The following DNM3 variants were observed in gnomAD, a reference collection of about 807,000 sequenced individuals.
DNM3 encodes dynamin 3, also known as dynamin-3.
In DNM3, 47 loss-of-function variants were observed where a neutral mutation model predicts 101.6. That is an observed-to-expected ratio of 0.46 (90% CI 0.37 to 0.59). The LOEUF is 0.59. Among genes scored for constraint, DNM3 ranks in the 20% least tolerant of loss-of-function variants. The pLI is 0.00. For synonymous variants in DNM3, 385 were observed against 387.9 expected (o/e 0.99, Z 0.09); for missense variants, 849 against 1,085.7 (o/e 0.78, Z 3.06).
At chr1:172,274,202 C>A (rs903943115) in intron 15 of DNM3, among the ~76,000 whole-genome samples, 29 of 152,006 alleles carry the variant, frequency 1.9e-4, no homozygotes, top group African/African-American at 7.0e-4. Flanking sequence ...AAAACCGAAA[C>A]AGTGATGGAA....
chr1:172,294,911 CAAAA>C lies in DNM3; in HGVS notation c.1770-13801_1770-13798del, dbSNP rs57685535. Among the ~76,000 whole-genome samples, 233 of 87,004 alleles carry C rather than the reference CAAAA, an allele frequency of 2.7e-3. 2 individuals are homozygous for C. In the Middle Eastern group the frequency reaches 0.037, roughly 14 times the overall value. The allele number at this position is 87,004 out of a possible 152,430, so 57.1% of individuals were successfully genotyped here. ...TGGGCAACAGAGCCAGACTTTGTCT[CAAAA>C]AAAAAAAAAAAAAAAGTAAAAAGTT... is the stretch of plus-strand genomic sequence containing the variant. On this transcript the variant is annotated intron_variant, in intron 15 of 20. Coordinates refer to ENST00000627582, the MANE Select transcript of DNM3 (RefSeq NM_015569.5).
At chr1:172,319,311 T>G (rs2065571177) in intron 16 of DNM3, among the ~76,000 whole-genome samples, 1 of 151,956 alleles carries the variant, frequency 6.6e-6, no homozygotes, top group East Asian at 1.9e-4. Flanking sequence ...GCATTACCAT[T>G]CAGGACATAG....
Position 172,354,112 on chromosome 1 carries a change from T to TGAGAGAGAGAGAGAGAGAGAGA in DNM3, c.1894-24897_1894-24876dup, listed in dbSNP as rs71563205. On this transcript the variant is annotated intron_variant, in intron 17 of 20. Coordinates refer to ENST00000627582, the MANE Select transcript of DNM3 (RefSeq NM_015569.5). Reference sequence around the variant, plus strand: ...GGGTGTGTGTGTGTGTGTGTGTGTGTGAGAGAGAGAGAGAGAGAGAGAGAG... The same window carrying TGAGAGAGAGAGAGAGAGAGAGA: ...GGGTGTGTGTGTGTGTGTGTGTGTGTGAGAGAGAGAGAGAGAGAGAGAGAGAGAGAGAGAGAGAGAGAGAGAG... 4.1e-3 allele frequency among the ~76,000 whole-genome samples: 393 copies of TGAGAGAGAGAGAGAGAGAGAGA among 94,926 alleles called. 6 individuals are homozygous for TGAGAGAGAGAGAGAGAGAGAGA. The highest frequency in any genetic ancestry group is 0.039 in the East Asian group (126 of 3,190). The allele number at this position is 94,926 out of a possible 152,430, so 62.3% of individuals were successfully genotyped here. A position where few individuals can be genotyped will look rare whatever the true frequency, so the allele number is the denominator to read the frequency against.
chr1:172,023,339 C>T lies in DNM3; in HGVS notation c.590-9063C>T, dbSNP rs191010402. 3.5e-3 allele frequency among the ~76,000 whole-genome samples: 534 copies of T among 152,140 alleles called. 3 individuals carry two copies. The highest frequency in any genetic ancestry group is 0.024 in the Middle Eastern group (7 of 294). On this transcript the variant is annotated intron_variant, in intron 4 of 20. Transcript: ENST00000627582. ...TTTTGTAGAACACGTTCTTTAACAG[C>T]GTTCTTAAAAAGGTGAAAGGGAGGT... is the stretch of plus-strand genomic sequence containing the variant.
chr1:171,846,815 A>C (rs2032179481), intron 1 of DNM3, among the ~76,000 whole-genome samples: 1 of 152,200 alleles, frequency 6.6e-6, no homozygotes, highest in Admixed American at 6.5e-5. Context: ...TGTCATACTA[A>C]ATACATTTTA....
intron 10 of DNM3, among the ~76,000 whole-genome samples, chr1:172,061,970 A>C (rs2051263953): frequency 6.6e-6 from 1 of 152,136 alleles, no homozygotes; most frequent in African/African-American, 2.4e-5. Flanking sequence ...AATAGGCTTT[A>C]GTGCCCAGGC....
At chr1:172,106,020 C>T (rs1199376233) in intron 13 of DNM3, among the ~76,000 whole-genome samples, 2 of 151,904 alleles carry the variant, frequency 1.3e-5, no homozygotes, top group African/African-American at 4.8e-5. Flanking sequence ...TATATTATTC[C>T]TTACAGAACA....
chr1:172,230,589 T>A (rs902258306), intron 14 of DNM3, among the ~76,000 whole-genome samples: 3 of 152,206 alleles, frequency 2.0e-5, no homozygotes, highest in African/African-American at 7.2e-5. Flanking sequence ...AATTAGAATG[T>A]TCCTTCAAAT....
chr1:172,182,661 C>G (rs567932875), intron 14 of DNM3, among the ~76,000 whole-genome samples: 1 of 152,214 alleles, frequency 6.6e-6, no homozygotes, highest in East Asian at 1.9e-4. Flanking sequence ...CTGCATGCCC[C>G]TCCCTCTATC....
chr1:171,862,076 T>C (rs1275181987), intron 1 of DNM3, among the ~76,000 whole-genome samples: 1 of 152,138 alleles, frequency 6.6e-6, no homozygotes, highest in Non-Finnish European at 1.5e-5. Context: ...GGAGGGATAC[T>C]AACAACTGCT....
intron 4 of DNM3, among the ~76,000 whole-genome samples, chr1:172,003,234 GT>G (rs1189972410): frequency 1.3e-5 from 2 of 151,740 alleles, no homozygotes; most frequent in Non-Finnish European, 2.9e-5. Context: ...GTGCTCTTAT[GT>G]CTTTCTTATT....
chr1:172,036,867 A>C (rs2049006859), intron 6 of DNM3, among the ~76,000 whole-genome samples: 1 of 151,672 alleles, frequency 6.6e-6, no homozygotes, highest in Non-Finnish European at 1.5e-5. Flanking sequence ...CAACCTACAA[A>C]ATGGGAGAAA....
intron 17 of DNM3, among the ~76,000 whole-genome samples, chr1:172,374,956 A>AAAAG (rs2068526157): frequency 6.6e-6 from 1 of 152,096 alleles, no homozygotes; most frequent in Non-Finnish European, 1.5e-5. Context: ...ATGAGCTTTA[A>AAAAG]AAGTGCCTGT....
At chr1:171,965,641 G>C (rs1348816393) in intron 2 of DNM3, among the ~76,000 whole-genome samples, 1 of 152,120 alleles carries the variant, frequency 6.6e-6, no homozygotes, top group East Asian at 1.9e-4. Flanking sequence ...AGGTCCAGAA[G>C]GGTCTGAAGC....
intron 15 of DNM3, among the ~76,000 whole-genome samples, chr1:172,298,874 AG>A (rs2064294798): frequency 1.4e-5 from 2 of 141,974 alleles, no homozygotes; most frequent in Non-Finnish European, 3.2e-5. Flanking sequence ...AGAGAGAGAG[AG>A]AAAGACAGAG....
chr1:171,904,988 T>C (rs967805270), intron 1 of DNM3, among the ~76,000 whole-genome samples: 7 of 152,160 alleles, frequency 4.6e-5, no homozygotes, highest in African/African-American at 1.7e-4. Context: ...TTGAGGTCCT[T>C]ACACCACTCA....
At chr1:171,954,689 T>G (rs1414202962) in intron 2 of DNM3, among the ~76,000 whole-genome samples, 4 of 152,198 alleles carry the variant, frequency 2.6e-5, no homozygotes, top group African/African-American at 9.6e-5. Flanking sequence ...AGGGGAGGTT[T>G]AGTCCTTGGT....
chr1:172,113,188 A>G (rs1372265160), intron 13 of DNM3, among the ~76,000 whole-genome samples: 5 of 152,236 alleles, frequency 3.3e-5, no homozygotes, highest in Non-Finnish European at 5.9e-5. Context: ...AATTATATTC[A>G]GAAAATAAAC....
At chr1:172,303,485 C>A (rs2064580882) in intron 15 of DNM3, among the ~76,000 whole-genome samples, 2 of 152,016 alleles carry the variant, frequency 1.3e-5, no homozygotes, top group Non-Finnish European at 2.9e-5. Context: ...GAACTTCCAA[C>A]CTAGCAAGGG....
Sources: allele counts gnomAD v4.1 joint callset (sites outside exome capture counted in the v4.1 genomes callset), GRCh38; gene constraint gnomAD v4.1.1; transcripts MANE v1.5; gene names NCBI Gene and HGNC (gene_info 2026-07-23, HGNC 2026-07-21).